OR7C1: variants seen among roughly 807,000 people sequenced by gnomAD.
OR7C1 encodes olfactory receptor family 7 subfamily C member 1.
For missense variants in OR7C1, 324 were observed against 383.3 expected, an observed-to-expected ratio of 0.85 and a Z score of 1.29; for synonymous variants, 152 against 160.7, an observed-to-expected ratio of 0.95 and a Z score of 0.41.
At chr19:14,801,142 A>G (rs189808306) in intron 2 of OR7C1, among the ~76,000 whole-genome samples, 5 of 152,316 alleles carry the variant, frequency 3.3e-5, no homozygotes, top group Non-Finnish European at 5.9e-5. Flanking sequence ...TACAGCTTCT[A>G]GTTCTCAGCT....
At chr19:14,815,790 T>C (rs1568250540) in intron 1 of OR7C1, among the ~76,000 whole-genome samples, 1 of 145,364 alleles carries the variant, frequency 6.9e-6, no homozygotes, top group African/African-American at 2.7e-5. Flanking sequence ...TGTGCGTGTG[T>C]GTGTGTGTGT....
At chr19:14,815,784 C>CGTGT (rs34655691) in intron 1 of OR7C1, among the ~76,000 whole-genome samples, 38,996 of 146,542 alleles carry the variant, frequency 0.27, 5,378 homozygotes, top group Middle Eastern at 0.37. Flanking sequence ...TGAGTTTGTG[C>CGTGT]GTGTGTGTGT....
chr19:14,831,957 G>A (rs1211565720), intron 1 of OR7C1, among the ~76,000 whole-genome samples: 1 of 152,096 alleles, frequency 6.6e-6, no homozygotes, highest in Non-Finnish European at 1.5e-5. Context: ...TGCTAAAGAT[G>A]GAGTGCAGTG....
At chr19:14,804,664 C>CGCAGGA (rs1430086242) in intron 2 of OR7C1, among the ~76,000 whole-genome samples, 2 of 151,714 alleles carry the variant, frequency 1.3e-5, no homozygotes, top group Non-Finnish European at 2.9e-5. Flanking sequence ...ATAAACGAGT[C>CGCAGGA]GCAGGATAAC....
At chr19:14,812,356 G>C (rs1052559523) in intron 1 of OR7C1, among the ~76,000 whole-genome samples, 2 of 152,168 alleles carry the variant, frequency 1.3e-5, no homozygotes, top group Admixed American at 1.3e-4. Flanking sequence ...CCAAAACCAG[G>C]CCTGGGCCTG....
chr19:14,822,259 G>GT (rs912211929), intron 1 of OR7C1, among the ~76,000 whole-genome samples: 7 of 149,108 alleles, frequency 4.7e-5, no homozygotes, highest in African/African-American at 1.7e-4. Context: ...TCTATTTTTA[G>GT]TTTTTTGGAG....
At position 14,808,240 on chromosome 19, in the gene OR7C1, A is replaced by G. The variant is rs939255357; in HGVS notation, c.-435+1566T>C. 1.5e-4 allele frequency among the ~76,000 whole-genome samples: 23 copies of G among 152,010 alleles called. 2 individuals carry two copies. The highest frequency in any genetic ancestry group is 4.8e-4 in the African/African-American group (20 of 41,248). ...TTCCCAAAGAACTAAAAGTAGGACT[A>G]CCATTCAATCCAGCAATCCCACTAG... On this transcript the variant is annotated intron_variant, in intron 2 of 4. Transcript: ENST00000641666.
At chr19:14,799,049 T>G (rs1486227960) in exon 5 of OR7C1, 1 of 1,257,620 alleles carries the variant, frequency 8.0e-7, no homozygotes, top group Non-Finnish European at 1.1e-6. Flanking sequence ...AAATAATTTC[T>G]TTCTAGCTCC....
At chr19:14,810,380 T>TTTTG (rs1555694744) in intron 1 of OR7C1, among the ~76,000 whole-genome samples, 1,689 of 96,664 alleles carry the variant, frequency 0.017, 52 homozygotes, top group African/African-American at 0.081. Context: ...GAGTTTTTTT[T>TTTTG]TTTTGTTTTT....
chr19:14,828,375 GTTCTCT>G, intron 1 of OR7C1: 1 of 1,068,556 alleles, frequency 9.4e-7, no homozygotes, highest in Non-Finnish European at 1.3e-6. Flanking sequence ...TATGAATCTG[GTTCTCT>G]TTAAGGGATC....
At chr19:14,827,743 A>T in intron 1 of OR7C1, 2 of 1,614,184 alleles carry the variant, frequency 1.2e-6, no homozygotes, top group Non-Finnish European at 1.7e-6. Flanking sequence ...GTGCAGAAGG[A>T]CAGCCGTACT....
intron 1 of OR7C1, among the ~76,000 whole-genome samples, chr19:14,822,434 G>C (rs2044745677): frequency 7.7e-6 from 1 of 130,180 alleles, no homozygotes. Context: ...GCCCAGGCTA[G>C]AGTGCAGTGG....
intron 2 of OR7C1, among the ~76,000 whole-genome samples, chr19:14,807,903 A>AC (rs1259307658): frequency 2.0e-5 from 3 of 151,828 alleles, no homozygotes; most frequent in East Asian, 3.9e-4. Context: ...CTCAAAAAAA[A>AC]AAACAAACAA....
intron 1 of OR7C1, among the ~76,000 whole-genome samples, chr19:14,817,277 A>G (rs2044720414): frequency 6.6e-6 from 1 of 152,106 alleles, no homozygotes; most frequent in African/African-American, 2.4e-5. Flanking sequence ...GCTGCATAGT[A>G]TTCCATGGTG....
intron 2 of OR7C1, among the ~76,000 whole-genome samples, chr19:14,807,462 C>A (rs1471379469): frequency 6.6e-6 from 1 of 151,848 alleles, no homozygotes; most frequent in Admixed American, 6.6e-5. Flanking sequence ...CTTTAGAATC[C>A]TTCCCCTCTG....
chr19:14,834,937 C>T (rs2044870485), intron 1 of OR7C1, 137 bp downstream of exon 1: 1 of 152,192 alleles, frequency 6.6e-6, no homozygotes. Flanking sequence ...GTTAATTAAT[C>T]AACCAAGCAA....
intron 1 of OR7C1, chr19:14,827,359 T>C (rs1240506522): frequency 1.9e-6 from 3 of 1,605,830 alleles, no homozygotes; most frequent in Non-Finnish European, 2.5e-6. Flanking sequence ...TTTATGTCTT[T>C]ATTCCTCAGA....
At chr19:14,818,762 G>T (rs887489555) in intron 1 of OR7C1, among the ~76,000 whole-genome samples, 1 of 152,076 alleles carries the variant, frequency 6.6e-6, no homozygotes, top group Admixed American at 6.5e-5. Context: ...TATCAGTTTT[G>T]TGCGGTCAGG....
At chr19:14,805,020 C>A (rs1230748056) in intron 2 of OR7C1, among the ~76,000 whole-genome samples, 2 of 151,808 alleles carry the variant, frequency 1.3e-5, no homozygotes, top group Non-Finnish European at 2.9e-5. Context: ...TACAAGAATG[C>A]ACCGTCACAC....
Sources: gnomAD v4.1 joint callset for allele counts (sites outside exome capture counted in the v4.1 genomes callset) on GRCh38, gnomAD v4.1.1 for gene constraint, MANE v1.5 for transcripts, NCBI Gene and HGNC (gene_info 2026-07-23, HGNC 2026-07-21) for gene names.